GRIN2B: variants seen among roughly 807,000 people sequenced by gnomAD.
GRIN2B encodes the protein glutamate ionotropic receptor NMDA type subunit 2B.
Under a neutral mutation model 114.5 loss-of-function variants are expected in GRIN2B, and 5 were observed. The observed-to-expected ratio is 0.04, with a 90% CI of 0.02 to 0.09. The LOEUF is 0.09. Among genes scored for constraint, GRIN2B ranks in the 10% least tolerant of loss-of-function variants. The pLI is 1.00. For synonymous variants in GRIN2B, 787 were observed against 745.1 expected (o/e 1.06, Z -0.92); for missense variants, 1,108 against 1,943.5 (o/e 0.57, Z 8.08).
At chr12:13,935,992 C>G (rs1220618166) in intron 2 of GRIN2B, among the ~76,000 whole-genome samples, 1 of 152,120 alleles carries the variant, frequency 6.6e-6, no homozygotes, top group Non-Finnish European at 1.5e-5. Flanking sequence ...AAGCATAACA[C>G]AGTGGCTGCA....
At chr12:13,912,589 C>T (rs1866643671) in intron 2 of GRIN2B, among the ~76,000 whole-genome samples, 2 of 151,958 alleles carry the variant, frequency 1.3e-5, no homozygotes, top group South Asian at 4.2e-4. Flanking sequence ...TGTAGCCTTG[C>T]TCTGTCTGAA....
intron 2 of GRIN2B, among the ~76,000 whole-genome samples, chr12:13,871,799 T>A (rs1865913438): frequency 6.6e-6 from 1 of 151,784 alleles, no homozygotes; most frequent in South Asian, 2.1e-4. Flanking sequence ...ATGAATATTA[T>A]GAAAACTAGT....
intron 5 of GRIN2B, among the ~76,000 whole-genome samples, chr12:13,653,110 G>A (rs763671654): frequency 1.7e-4 from 26 of 152,100 alleles, no homozygotes; most frequent in Non-Finnish European, 3.1e-4. Flanking sequence ...TGACAAAGGC[G>A]ATAAAAGAGA....
At chr12:13,949,132 C>T (rs1867426446) in intron 2 of GRIN2B, among the ~76,000 whole-genome samples, 1 of 152,022 alleles carries the variant, frequency 6.6e-6, no homozygotes, top group African/African-American at 2.4e-5. Context: ...CTAAGAGTGC[C>T]CAGAGATCCA....
intron 10 of GRIN2B, among the ~76,000 whole-genome samples, chr12:13,575,617 C>T (rs941713213): frequency 6.6e-6 from 1 of 151,906 alleles, no homozygotes; most frequent in Non-Finnish European, 1.5e-5. Context: ...CAAGATTGTG[C>T]CACTGCACTT....
At chr12:13,954,122 C>T (rs924843493) in intron 2 of GRIN2B, among the ~76,000 whole-genome samples, 2 of 152,216 alleles carry the variant, frequency 1.3e-5, no homozygotes, top group African/African-American at 4.8e-5. Flanking sequence ...CTCAGCCACA[C>T]AATGAGTTGT....
intron 3 of GRIN2B, among the ~76,000 whole-genome samples, chr12:13,811,036 A>T (rs183973697): frequency 3.3e-5 from 5 of 152,380 alleles, no homozygotes; most frequent in Admixed American, 1.3e-4. Context: ...TATTAGGTCC[A>T]GTAGTGAGAT....
intron 2 of GRIN2B, among the ~76,000 whole-genome samples, chr12:13,925,354 A>G (rs1478585502): frequency 6.6e-6 from 1 of 152,256 alleles, no homozygotes; most frequent in African/African-American, 2.4e-5. Flanking sequence ...TAGGAATGTG[A>G]TGTTAGAAGA....
chr12:13,607,167 A>T (rs1192761797), intron 10 of GRIN2B, among the ~76,000 whole-genome samples: 67 of 123,128 alleles, frequency 5.4e-4, no homozygotes, highest in South Asian at 2.7e-3. Context: ...TATATATATA[A>T]AAAATATATA....
intron 4 of GRIN2B, among the ~76,000 whole-genome samples, chr12:13,732,208 A>C (rs1698753555): frequency 6.6e-6 from 1 of 151,876 alleles, no homozygotes; most frequent in African/African-American, 2.4e-5. Flanking sequence ...TAAATGACTT[A>C]ATTAAGATCA....
intron 3 of GRIN2B, among the ~76,000 whole-genome samples, chr12:13,816,187 C>T (rs915507125): frequency 6.6e-6 from 1 of 152,080 alleles, no homozygotes; most frequent in Admixed American, 6.6e-5. Flanking sequence ...TGACAGGTCT[C>T]TAAAGGGACA....
intron 10 of GRIN2B, among the ~76,000 whole-genome samples, chr12:13,578,845 ACCGAGAC>A (rs1948809549): frequency 1.1e-5 from 1 of 94,736 alleles, no homozygotes; most frequent in South Asian, 3.8e-4. Flanking sequence ...TGGCATCTGA[ACCGAGAC>A]CTGAATAATA....
chr12:13,577,809 A>G (rs1435542308), intron 10 of GRIN2B, among the ~76,000 whole-genome samples: 2 of 152,238 alleles, frequency 1.3e-5, no homozygotes, highest in Non-Finnish European at 2.9e-5. Flanking sequence ...CAAAGATGAA[A>G]AAAATCAGAC....
chr12:13,749,850 T>C (rs1863451871), intron 4 of GRIN2B, among the ~76,000 whole-genome samples: 2 of 152,168 alleles, frequency 1.3e-5, no homozygotes, highest in African/African-American at 4.8e-5. Context: ...TAGGAAACTA[T>C]ACTAAAATAT....
At chr12:13,770,695 G>A (rs1338632670) in intron 3 of GRIN2B, among the ~76,000 whole-genome samples, 1 of 152,178 alleles carries the variant, frequency 6.6e-6, no homozygotes, top group Non-Finnish European at 1.5e-5. Context: ...AGGCCCTGGT[G>A]TGTGTTGTTC....
intron 3 of GRIN2B, among the ~76,000 whole-genome samples, chr12:13,764,527 A>C (rs766691573): frequency 6.6e-6 from 1 of 152,146 alleles, no homozygotes; most frequent in Non-Finnish European, 1.5e-5. Flanking sequence ...TGCTATCTCA[A>C]CTTGACTCTG....
At position 13,562,755 on chromosome 12, in the gene GRIN2B, A is replaced by G; in HGVS notation, c.*28T>C. On this transcript the variant is annotated 3_prime_UTR_variant, in exon 14 of 14. Transcript: ENST00000609686. ...GCGACCCACAGCCTTACCCTCCCGTACCCACCTTAACCTCTCTGTTCCCTC... is the reference window on the plus strand; with the variant it reads ...GCGACCCACAGCCTTACCCTCCCGTGCCCACCTTAACCTCTCTGTTCCCTC... 1 of 1,593,324 alleles carries G rather than the reference A, an allele frequency of 6.3e-7. No homozygotes were observed. Among genetic ancestry groups the G allele is most frequent in the Non-Finnish European group, 8.6e-7 (1 of 1,160,950 alleles).
In GRIN2B at chr12:13,540,932, GGGAGGGGT is replaced by G. The variant is rs1948270116; in HGVS notation, c.*21843_*21850del. On this transcript the variant is annotated 3_prime_UTR_variant, in exon 14 of 14. Coordinates refer to ENST00000609686, the MANE Select transcript of GRIN2B (RefSeq NM_000834.5). ...CATTTCCCCTCTGCCATGTGACTTT[GGGAGGGGT>G]GCAGCTGTGAATTTGCAACGCAACC... The G allele has an allele frequency of 1.3e-5, 2 of 152,236 alleles. No homozygotes were observed. 9.4% of individuals were successfully genotyped at this position (152,236 alleles called of 1,614,324 possible).
At chr12:13,619,045 T>C (rs1188211001) in intron 5 of GRIN2B, among the ~76,000 whole-genome samples, 1 of 152,132 alleles carries the variant, frequency 6.6e-6, no homozygotes, top group Non-Finnish European at 1.5e-5. Flanking sequence ...ACTAGTGTCA[T>C]ATCAGGGGAC....
Sources: allele counts gnomAD v4.1 joint callset (sites outside exome capture counted in the v4.1 genomes callset), GRCh38; gene constraint gnomAD v4.1.1; transcripts MANE v1.5; gene names NCBI Gene and HGNC (gene_info 2026-07-23, HGNC 2026-07-21).